Variants in MAML3 observed in about 807,000 individuals in gnomAD.
MAML3 encodes mastermind-like protein 3.
In MAML3, 27 loss-of-function variants were observed where a neutral mutation model predicts 101.9. That is an observed-to-expected ratio of 0.27 (90% CI 0.20 to 0.37). The LOEUF (loss-of-function observed/expected upper bound fraction) is 0.37, where lower values mean the gene tolerates loss of function less well. Among genes scored for constraint, MAML3 ranks in the 10% least tolerant of loss-of-function variants. MAML3 has a pLI of 1.00. For synonymous variants in MAML3, 501 were observed against 555.9 expected, an observed-to-expected ratio of 0.90 and a Z score of 1.39; for missense variants, 1,316 against 1,444.9, an observed-to-expected ratio of 0.91 and a Z score of 1.45.
intron 1 of MAML3, among the ~76,000 whole-genome samples, chr4:140,007,708 T>G (rs566024174): frequency 1.3e-5 from 2 of 152,298 alleles, no homozygotes; most frequent in East Asian, 3.9e-4. Flanking sequence ...CATTCTTTCC[T>G]CCACAGCTAA....
intron 1 of MAML3, among the ~76,000 whole-genome samples, chr4:140,078,047 A>ATAAG (rs1727802063): frequency 6.6e-6 from 1 of 151,792 alleles, no homozygotes; most frequent in South Asian, 2.1e-4. Context: ...AAATAAATAA[A>ATAAG]TAAATAAAGA....
At position 140,093,420 on chromosome 4, in the gene MAML3, T is replaced by G. The variant is rs529184382; in HGVS notation, c.468+59440A>C. Among the ~76,000 whole-genome samples, 281 of 147,296 alleles carry G rather than the reference T, an allele frequency of 1.9e-3. 1 individual carries two copies. Among genetic ancestry groups the G allele is most frequent in the African/African-American group, 4.9e-3 (195 of 40,112 alleles). ...AGCTAAGACTCATGTTTGTTTGTTT[T>G]TTTTTTTTTTTTTTGAGACAGAGTC... On this transcript the variant is annotated intron_variant, in intron 1 of 4. Transcript: ENST00000509479.
At chr4:139,804,519 G>A (rs539250405) in intron 2 of MAML3, among the ~76,000 whole-genome samples, 89 of 152,100 alleles carry the variant, frequency 5.9e-4, no homozygotes, top group African/African-American at 2.1e-3. Context: ...TACCCACTTT[G>A]GCCTCCCAAA....
intron 1 of MAML3, among the ~76,000 whole-genome samples, chr4:139,985,695 G>T (rs988457670): frequency 6.6e-6 from 1 of 152,216 alleles, no homozygotes; most frequent in East Asian, 1.9e-4. Context: ...GGATTGCCCT[G>T]TGAAGGGAGG....
chr4:139,901,717 T>C (rs770290336), intron 1 of MAML3, among the ~76,000 whole-genome samples: 30 of 152,282 alleles, frequency 2.0e-4, no homozygotes, highest in Non-Finnish European at 3.2e-4. Context: ...GACCAAAGAA[T>C]AGGCATGTTA....
intron 1 of MAML3, among the ~76,000 whole-genome samples, chr4:140,078,584 T>A (rs1727813967): frequency 6.6e-6 from 1 of 152,088 alleles, no homozygotes; most frequent in Non-Finnish European, 1.5e-5. Context: ...GACCCAGAAC[T>A]CCCTGAAGGT....
At chr4:139,939,903 T>A (rs934718295) in intron 1 of MAML3, among the ~76,000 whole-genome samples, 2 of 152,096 alleles carry the variant, frequency 1.3e-5, no homozygotes, top group Admixed American at 6.6e-5. Context: ...TAGCTGGGAT[T>A]ACAGGCGCCC....
intron 1 of MAML3, among the ~76,000 whole-genome samples, chr4:140,080,987 ATAT>A (rs1727852752): frequency 2.6e-5 from 4 of 152,238 alleles, no homozygotes; most frequent in African/African-American, 9.6e-5. Context: ...AACACAAAAT[ATAT>A]GAGCTGTTAG....
chr4:140,078,546 G>A (rs1727813314), intron 1 of MAML3, among the ~76,000 whole-genome samples: 1 of 152,114 alleles, frequency 6.6e-6, no homozygotes, highest in African/African-American at 2.4e-5. Context: ...GGGGGAGGGT[G>A]GGGCTGGAGG....
intron 2 of MAML3, among the ~76,000 whole-genome samples, chr4:139,779,103 T>G (rs1730149074): frequency 6.6e-6 from 1 of 152,178 alleles, no homozygotes; most frequent in East Asian, 1.9e-4. Flanking sequence ...AATATATGAC[T>G]GCAAGGTTTC....
intron 2 of MAML3, among the ~76,000 whole-genome samples, chr4:139,814,522 C>A (rs1730861315): frequency 6.6e-6 from 1 of 152,174 alleles, no homozygotes; most frequent in African/African-American, 2.4e-5. Context: ...GGGACGATTT[C>A]AAAACTCCCA....
intron 1 of MAML3, among the ~76,000 whole-genome samples, chr4:140,137,417 A>C (rs1024493605): frequency 6.6e-6 from 1 of 152,222 alleles, no homozygotes; most frequent in African/African-American, 2.4e-5. Context: ...TTCTTTCTAG[A>C]TAATTTTCCT....
At chr4:139,739,281 A>G (rs921903297) in intron 2 of MAML3, among the ~76,000 whole-genome samples, 17 of 152,198 alleles carry the variant, frequency 1.1e-4, no homozygotes, top group Admixed American at 9.8e-4. Flanking sequence ...GCTAAATGTG[A>G]GAATGCCACC....
At chr4:139,748,969 C>T (rs759502483) in intron 2 of MAML3, among the ~76,000 whole-genome samples, 9 of 152,246 alleles carry the variant, frequency 5.9e-5, no homozygotes, top group Non-Finnish European at 8.8e-5. Flanking sequence ...AGTGTGGGCA[C>T]GATTGTGGCT....
At chr4:139,917,588 A>G (rs1733049634) in intron 1 of MAML3, among the ~76,000 whole-genome samples, 1 of 152,226 alleles carries the variant, frequency 6.6e-6, no homozygotes, top group Admixed American at 6.5e-5. Context: ...GATTTGATCT[A>G]TGTAGCTCCA....
At chr4:139,781,665 G>A (rs13148538) in intron 2 of MAML3, among the ~76,000 whole-genome samples, 32,914 of 151,738 alleles carry the variant, frequency 0.22, 3,665 homozygotes, top group African/African-American at 0.22. Context: ...TAAAACACTC[G>A]GGCTTCACAC....
chr4:140,056,830 A>G (rs1727357689), intron 1 of MAML3, among the ~76,000 whole-genome samples: 1 of 151,082 alleles, frequency 6.6e-6, no homozygotes, highest in South Asian at 2.1e-4. Flanking sequence ...AAAAGGTTCT[A>G]TCCCACTCTA....
chr4:139,719,372 G>A lies in MAML3; in HGVS notation c.3368C>T (p.Pro1123Leu), dbSNP rs532270255. 2 of 1,611,578 alleles carry A rather than the reference G, an allele frequency of 1.2e-6. No homozygotes were observed. The highest frequency in any genetic ancestry group is 1.7e-6 in the Non-Finnish European group (2 of 1,178,304). Residue 1123 changes from proline (P) to leucine (L), a missense_variant, in exon 5 of 5, where the codon CCA becomes CTA. Pro to Leu is a moderately conservative substitution (Grantham distance 98). Transcript: ENST00000509479. ...AAGCTCCTGCATCCACTCGTCCCCT[G>A]GCCCGCCTTTGATGATGGAGTCCAC... ...DLVDSIIKGG[P>L]GDEWMQELDE...
At chr4:140,075,593 A>G (rs1028422647) in intron 1 of MAML3, among the ~76,000 whole-genome samples, 2 of 152,030 alleles carry the variant, frequency 1.3e-5, no homozygotes, top group African/African-American at 4.8e-5. Context: ...CTGGAGTGCA[A>G]TGGTGCTATC....
Sources: allele counts gnomAD v4.1 joint callset (sites outside exome capture counted in the v4.1 genomes callset), GRCh38; gene constraint gnomAD v4.1.1; transcripts MANE v1.5; gene names NCBI Gene and HGNC (gene_info 2026-07-23, HGNC 2026-07-21).